The following ABCD2 variants were observed in gnomAD, a reference collection of about 807,000 sequenced individuals.
ABCD2 encodes the protein ATP-binding cassette sub-family D member 2.
Under a neutral mutation model 70.9 loss-of-function variants are expected in ABCD2, and 36 were observed. The observed-to-expected ratio is 0.51, with a 90% CI of 0.39 to 0.67. The LOEUF (loss-of-function observed/expected upper bound fraction) is 0.67, where lower values mean the gene tolerates loss of function less well. Among genes scored for constraint, ABCD2 ranks in the 30% least tolerant of loss-of-function variants. The probability of loss-of-function intolerance (pLI) is 0.00; values close to 1 mark genes in which losing one functional copy is unlikely to be tolerated. For missense variants in ABCD2, 729 were observed against 890.2 expected (o/e 0.82, Z 2.30); for synonymous variants, 304 against 306.9 (o/e 0.99, Z 0.10).
chr12:39,605,336 A>G (rs1345877815), intron 3 of ABCD2, among the ~76,000 whole-genome samples: 1 of 151,886 alleles, frequency 6.6e-6, no homozygotes, highest in Non-Finnish European at 1.5e-5. Context: ...TAAGTAGGAG[A>G]AAAGTACCTT....
chr12:39,615,427 T>G (rs1224099869), intron 2 of ABCD2, among the ~76,000 whole-genome samples: 3 of 152,194 alleles, frequency 2.0e-5, no homozygotes, highest in Admixed American at 2.0e-4. Context: ...AATACTCTTT[T>G]GAAAAAGTAA....
At chr12:39,545,048 A>G (rs763818109), downstream of ABCD2, among the ~76,000 whole-genome samples, 2 of 152,202 alleles carry the variant, frequency 1.3e-5, no homozygotes, top group Non-Finnish European at 2.9e-5. Context: ...AAAACAGCTA[A>G]CAACAGTGTA....
In ABCD2 at chr12:39,555,493, T is replaced by C. The variant is rs370511574; in HGVS notation, c.2004-1362A>G. 3.3e-5 allele frequency among the ~76,000 whole-genome samples: 5 copies of C among 152,238 alleles called. No homozygotes were observed. The East Asian group carries it at 9.7e-4, about 29-fold the overall frequency. ...TTCACAGTATCTGGTTACAGAATAT[T>C]AATAAGAAAATAGTCATTGGAGTGG... On this transcript the variant is annotated intron_variant, in intron 9 of 9. Coordinates refer to ENST00000308666, the MANE Select transcript of ABCD2 (RefSeq NM_005164.4).
At chr12:39,579,714 G>T in intron 7 of ABCD2, 95 bp from the exon 8 acceptor site, 1 of 951,908 alleles carries the variant, frequency 1.1e-6, no homozygotes, top group Non-Finnish European at 1.6e-6. Flanking sequence ...AATTCAAATT[G>T]TCAACATGAA....
chr12:39,566,461 G>C (rs1414505425), intron 9 of ABCD2, among the ~76,000 whole-genome samples: 1 of 152,044 alleles, frequency 6.6e-6, no homozygotes, highest in Admixed American at 6.5e-5. Context: ...TATTTCTGTG[G>C]GATCAGTGGT....
intron 3 of ABCD2, among the ~76,000 whole-genome samples, chr12:39,606,693 G>A (rs970648192): frequency 1.3e-5 from 2 of 152,088 alleles, no homozygotes; most frequent in Admixed American, 6.6e-5. Context: ...GACTTAATAT[G>A]CAGCTAAATT....
At chr12:39,578,473 CAAAAA>C (rs397850133) in intron 8 of ABCD2, among the ~76,000 whole-genome samples, 1 of 67,066 alleles carries the variant, frequency 1.5e-5, no homozygotes, top group African/African-American at 5.5e-5. Flanking sequence ...GACTCCGTCT[CAAAAA>C]AAAAAAAAAA....
rs1354350420 is a variant in ABCD2 at position 39,567,317 on chromosome 12, G to T, written c.2003+6399C>A. On this transcript the variant is annotated intron_variant, in intron 9 of 9. Coordinates refer to ENST00000308666, the MANE Select transcript of ABCD2 (RefSeq NM_005164.4). ...TTGCTTTATGCATCTGGGTGCTTCT[G>T]TATTGGGTGCATATATATTTAGGAT... Among the ~76,000 whole-genome samples, 5 of 152,304 alleles carry T rather than the reference G, an allele frequency of 3.3e-5. No homozygotes were observed. In the East Asian group the frequency reaches 5.8e-4, roughly 18 times the overall value.
intron 9 of ABCD2, among the ~76,000 whole-genome samples, chr12:39,560,947 G>A (rs1941248227): frequency 6.6e-6 from 1 of 151,970 alleles, no homozygotes; most frequent in South Asian, 2.1e-4. Context: ...TATTACTAAA[G>A]AAAATCACTT....
intron 9 of ABCD2, among the ~76,000 whole-genome samples, chr12:39,571,384 C>G (rs1941446628): frequency 6.6e-6 from 1 of 152,108 alleles, no homozygotes; most frequent in Admixed American, 6.6e-5. Context: ...TACTACTCCA[C>G]TGTAAAAAAG....
intron 2 of ABCD2, among the ~76,000 whole-genome samples, chr12:39,613,217 T>G (rs1591999622): frequency 8.8e-6 from 1 of 113,196 alleles, no homozygotes; most frequent in East Asian, 2.3e-4. Context: ...AAACCCCGTC[T>G]CTACTAAAAA....
At chr12:39,616,089 G>A (rs986401411) in intron 2 of ABCD2, among the ~76,000 whole-genome samples, 107 of 152,210 alleles carry the variant, frequency 7.0e-4, no homozygotes, top group African/African-American at 2.4e-3. Context: ...GAGGATACAC[G>A]TAGGAAGAGG....
At chr12:39,594,937 T>A (rs903734726) in intron 6 of ABCD2, among the ~76,000 whole-genome samples, 1 of 152,082 alleles carries the variant, frequency 6.6e-6, no homozygotes, top group Non-Finnish European at 1.5e-5. Context: ...AGGAAAACCC[T>A]GTCAATACAA....
chr12:39,607,254 C>T (rs556835295), intron 3 of ABCD2, among the ~76,000 whole-genome samples: 4 of 152,108 alleles, frequency 2.6e-5, no homozygotes, highest in South Asian at 2.1e-4. Context: ...GAGACACAGA[C>T]GCTGTAGCGA....
At chr12:39,571,316 C>T (rs1036250790) in intron 9 of ABCD2, among the ~76,000 whole-genome samples, 1 of 152,076 alleles carries the variant, frequency 6.6e-6, no homozygotes, top group Non-Finnish European at 1.5e-5. Flanking sequence ...ATGGAATCAA[C>T]CCTAGTGTCC....
the ABCD2 span, among the ~76,000 whole-genome samples, chr12:39,536,846 T>C: frequency 6.6e-6 from 1 of 152,220 alleles, no homozygotes; most frequent in Non-Finnish European, 1.5e-5. Context: ...GACCAATTAA[T>C]TTGGTTAGGC....
chr12:39,587,851 C>T (rs1050306324), intron 6 of ABCD2, among the ~76,000 whole-genome samples: 3 of 152,018 alleles, frequency 2.0e-5, no homozygotes, highest in East Asian at 1.9e-4. Context: ...AACCACACAG[C>T]GAAGGGGATG....
chr12:39,603,854 G>T (rs1420369158), intron 5 of ABCD2, 58 bp downstream of exon 5: 3 of 1,273,926 alleles, frequency 2.4e-6, no homozygotes, highest in African/African-American at 3.0e-5. Context: ...CATGAATTCT[G>T]AGTTGTTTTG....
Position 39,600,626 on chromosome 12 carries a change from A to T in ABCD2, c.1591T>A (p.Tyr531Asn), listed in dbSNP as rs771401382. 8.7e-6 allele frequency: 14 copies of T among 1,612,978 alleles called. No homozygotes were observed. Among genetic ancestry groups the T allele is most frequent in the Non-Finnish European group, 1.2e-5 (14 of 1,179,442 alleles). Residue 531 changes from tyrosine to asparagine, a missense_variant, in exon 6 of 10, where the codon TAT (tyrosine) becomes AAT (asparagine). Physicochemically the swap from Tyr to Asn is moderately radical, Grantham distance 143 (BLOSUM62 -2). This residue lies in a region of ABCD2 where 289 missense variants were observed against 328.8 expected (regional missense o/e 0.88). Transcript: ENST00000308666. The part of the protein sequence containing the change: ...FRILSGLWPV[Y>N]EGVLYKPPPQ... ...GGTGGTTTATAGAGGACTCCTTCAT[A>T]CACAGGCCAGAGCCCACTTAGAATT...
Sources: allele counts gnomAD v4.1 joint callset (sites outside exome capture counted in the v4.1 genomes callset), GRCh38; gene constraint gnomAD v4.1.1; regional missense constraint gnomAD v4.1.1; transcripts MANE v1.5; gene names NCBI Gene and HGNC (gene_info 2026-07-23, HGNC 2026-07-21).